The following PTPRF variants were observed in gnomAD, a reference collection of about 807,000 sequenced individuals.
PTPRF encodes the protein protein tyrosine phosphatase receptor type F.
PTPRF carries 59 observed loss-of-function variants against 201.8 expected under a neutral mutation model. That is an observed-to-expected ratio of 0.29 (90% CI 0.24 to 0.36). The LOEUF is 0.36. PTPRF is among the 10% of genes least tolerant of loss of function. The pLI, the probability that PTPRF is intolerant of heterozygous loss-of-function variation, is 1.00. For synonymous variants in PTPRF, 1,088 were observed against 1,089.7 expected (o/e 1.00, Z 0.03); for missense variants, 2,132 against 2,690.5 (o/e 0.79, Z 4.59).
intron 5 of PTPRF, among the ~76,000 whole-genome samples, chr1:43,564,022 G>T (rs1213604760): frequency 4.6e-5 from 7 of 152,188 alleles, no homozygotes; most frequent in African/African-American, 1.4e-4. Context: ...CTGCCAACAG[G>T]CCCCAAACAG....
At chr1:43,561,701 C>T (rs1396707632) in intron 5 of PTPRF, among the ~76,000 whole-genome samples, 2 of 152,174 alleles carry the variant, frequency 1.3e-5, no homozygotes, top group East Asian at 1.9e-4. Flanking sequence ...TCCACGCAGA[C>T]ATGAGGTTCT....
rs1432836424 is a variant in PTPRF at position 43,554,287 on chromosome 1, T to G, written c.379+346T>G. Among the ~76,000 whole-genome samples the G allele has an allele frequency of 6.6e-6, 1 of 152,156 alleles. No homozygotes were observed. The highest frequency in any genetic ancestry group is 1.5e-5 in the Non-Finnish European group (1 of 68,028). The stretch of plus-strand genomic sequence containing the variant: ...GTGGCTGTTTGGCAGTGAACCGGAT[T>G]TCCATGTGGAGCCTGGCCGTAGGTG... On this transcript the variant is annotated intron_variant, in intron 5 of 33. Transcript: ENST00000359947. This position sits in a 1 kb window ranked among gnomAD's most constrained non-coding sequence, Gnocchi z 4.1.
At chr1:43,601,550 G>A (rs1653743735) in intron 13 of PTPRF, among the ~76,000 whole-genome samples, 1 of 152,218 alleles carries the variant, frequency 6.6e-6, no homozygotes, top group Admixed American at 6.5e-5. Flanking sequence ...TGGGGTGATT[G>A]TGTAATGTAT....
intron 5 of PTPRF, among the ~76,000 whole-genome samples, chr1:43,565,892 G>A (rs1003721414): frequency 6.6e-6 from 1 of 152,216 alleles, no homozygotes; most frequent in Non-Finnish European, 1.5e-5. Flanking sequence ...AGCGCCCGCC[G>A]CTCCACCGTC....
At chr1:43,558,227 T>C (rs1260249165) in intron 5 of PTPRF, among the ~76,000 whole-genome samples, 1 of 152,140 alleles carries the variant, frequency 6.6e-6, no homozygotes, top group Non-Finnish European at 1.5e-5. Context: ...CCTTGGAGAA[T>C]GGCTGAGGGC....
At position 43,546,680 on chromosome 1, in the gene PTPRF, C is replaced by A. The variant is rs1644695231; in HGVS notation, c.91+1514C>A. Among the ~76,000 whole-genome samples, 1 of 151,984 alleles carries A rather than the reference C, an allele frequency of 6.6e-6. No homozygotes were observed. The highest frequency in any genetic ancestry group is 2.4e-5 in the African/African-American group (1 of 41,352). ...TAACACATCCTGGGAGAAGAGCTGC[C>A]CTCCTCCTCCTGCCTCAGACCCAAC... is the stretch of plus-strand genomic sequence containing the variant. On this transcript the variant is annotated intron_variant, in intron 3 of 33. Transcript: ENST00000359947. The surrounding 1 kb of genome is among the most constrained non-coding windows in gnomAD (Gnocchi z 4.2).
intron 7 of PTPRF, among the ~76,000 whole-genome samples, chr1:43,583,834 C>T (rs1648399410): frequency 6.6e-6 from 1 of 152,178 alleles, no homozygotes; most frequent in South Asian, 2.1e-4. Context: ...CCCCTCTGCC[C>T]AAGCTTCCCA....
chr1:43,540,392 A>C (rs1159019576), intron 2 of PTPRF, among the ~76,000 whole-genome samples: 2 of 151,802 alleles, frequency 1.3e-5, no homozygotes, highest in Non-Finnish European at 2.9e-5. Flanking sequence ...GGGGTGAGTG[A>C]GTGCTGGGGC....
intron 22 of PTPRF, among the ~76,000 whole-genome samples, chr1:43,610,387 C>T (rs985115807): frequency 7.9e-5 from 12 of 152,212 alleles, no homozygotes; most frequent in African/African-American, 2.7e-4. Context: ...CTTAAAACAA[C>T]AATAATTATG....
At chr1:43,527,690 A>G (rs1350496602), upstream of PTPRF, among the ~76,000 whole-genome samples, 1 of 152,176 alleles carries the variant, frequency 6.6e-6, no homozygotes, top group African/African-American at 2.4e-5. Context: ...CAGCTCACCT[A>G]CCTTCCAGTA....
intron 11 of PTPRF, among the ~76,000 whole-genome samples, chr1:43,596,016 G>T (rs1453432348): frequency 6.6e-6 from 1 of 152,162 alleles, no homozygotes; most frequent in Non-Finnish European, 1.5e-5. Context: ...AGAGAAGGAG[G>T]GGGAGAGCTG....
chr1:43,558,100 A>T (rs1031316213), intron 5 of PTPRF, among the ~76,000 whole-genome samples: 1 of 151,990 alleles, frequency 6.6e-6, no homozygotes, highest in African/African-American at 2.4e-5. Context: ...AGCCAGGGCC[A>T]TTCTTGGGAG....
chr1:43,527,988 C>A (rs191045671), upstream of PTPRF, among the ~76,000 whole-genome samples: 285 of 152,248 alleles, frequency 1.9e-3, no homozygotes, highest in Non-Finnish European at 3.1e-3. Context: ...GTGTGAGGAC[C>A]CTGTGCTGGC....
chr1:43,620,575 C>T lies in PTPRF; in HGVS notation c.5360C>T (p.Ala1787Val). 6.2e-7 allele frequency: 1 copy of T among 1,613,470 alleles called. No individual in the cohort carries two copies. The highest frequency in any genetic ancestry group is 8.5e-7 in the Non-Finnish European group (1 of 1,179,606). ...YILREFKVTD[A>V]RDGQSRTIRQ... ...CTGCGTGAGTTCAAGGTCACGGATG[C>T]CCGGGTGAGTGAGTGCATTGAGTGT... Residue 1787 changes from alanine (A) to valine (V), a missense_variant, in exon 31 of 34, where the codon GCC (alanine) becomes GTC (valine). Coordinates refer to ENST00000359947, the MANE Select transcript of PTPRF (RefSeq NM_002840.5).
intron 7 of PTPRF, among the ~76,000 whole-genome samples, chr1:43,580,971 G>T (rs1434343207): frequency 6.6e-6 from 1 of 152,230 alleles, no homozygotes; most frequent in Non-Finnish European, 1.5e-5. Flanking sequence ...ATGGACCCCC[G>T]CATTGTCCTC....
chr1:43,566,313 TA>T (rs1451959308), intron 5 of PTPRF, among the ~76,000 whole-genome samples: 8 of 152,232 alleles, frequency 5.3e-5, no homozygotes, highest in African/African-American at 1.9e-4. Context: ...ATGTACCTCA[TA>T]AGGGTTTGGT....
rs1171155117 is a variant in PTPRF at position 43,531,680 on chromosome 1, C to G, written c.-126+590C>G. On this transcript the variant is annotated intron_variant, in intron 1 of 33. Coordinates refer to ENST00000359947, the MANE Select transcript of PTPRF (RefSeq NM_002840.5). ...GCGCGAGTTTGAAGCCCCCCCACCC[C>G]CTTCGTTCGCGAGCACGGGATGGGG... 1.6e-4 allele frequency among the ~76,000 whole-genome samples: 24 copies of G among 152,074 alleles called. No homozygotes were observed. In the East Asian group the frequency reaches 3.9e-3, roughly 25 times the overall value.
chr1:43,605,009 G>A lies in PTPRF; in HGVS notation c.3135+9G>A. ...CAGCTGTGCCCTTTAAGGTGAGTAA[G>A]GGCCACGGCCAGCTGAGCCTGGCAC... On this transcript the variant is annotated intron_variant, in intron 17 of 33. Coordinates refer to ENST00000359947, the MANE Select transcript of PTPRF (RefSeq NM_002840.5). 1.9e-6 allele frequency: 3 copies of A among 1,613,066 alleles called. No homozygotes were observed. Among genetic ancestry groups the A allele is most frequent in the Non-Finnish European group, 2.5e-6 (3 of 1,179,318 alleles).
intron 22 of PTPRF, among the ~76,000 whole-genome samples, chr1:43,610,018 A>G (rs936229663): frequency 4.6e-5 from 7 of 151,854 alleles, no homozygotes; most frequent in African/African-American, 1.7e-4. Context: ...TCTTCCTTCT[A>G]CCTGAAATGT....
Sources: gnomAD v4.1 joint callset for allele counts (sites outside exome capture counted in the v4.1 genomes callset) on GRCh38, gnomAD v4.1.1 for gene constraint, Gnocchi (gnomAD v3.1) non-coding constraint, MANE v1.5 for transcripts, NCBI Gene and HGNC (gene_info 2026-07-23, HGNC 2026-07-21) for gene names.